Variants in NWD2 observed in about 807,000 individuals in gnomAD.
The protein encoded by NWD2 is NACHT and WD repeat domain-containing protein 2.
A neutral mutation model predicts 132.7 loss-of-function variants in NWD2; 37 were observed. That is an observed-to-expected ratio of 0.28 (90% CI 0.21 to 0.37). The LOEUF is 0.37. Ranked by LOEUF, NWD2 falls within the 10% of genes least tolerant of loss-of-function variation. NWD2 has a pLI of 1.00. For synonymous variants in NWD2, 705 were observed against 803.0 expected (o/e 0.88, Z 2.06); for missense variants, 1,592 against 2,122.4 (o/e 0.75, Z 4.91).
intron 2 of NWD2, among the ~76,000 whole-genome samples, chr4:37,353,394 TAC>T (rs1719808713): frequency 6.6e-6 from 1 of 152,182 alleles, no homozygotes. Context: ...TGGCCTGTCT[TAC>T]TAGGTTGGGG....
chr4:37,308,752 G>C lies in NWD2; in HGVS notation c.152-17184G>C, dbSNP rs1015071906. ...CCAGTCCTCAGGCCCCTGGTTGAGG[G>C]TACAGGCACTCAGTAGCCTTGACAC... is the stretch of plus-strand genomic sequence containing the variant. On this transcript the variant is annotated intron_variant, in intron 1 of 6. Coordinates refer to ENST00000309447, the MANE Select transcript of NWD2 (RefSeq NM_001144990.2). Among the ~76,000 whole-genome samples the C allele has an allele frequency of 7.2e-5, 11 of 152,204 alleles. No homozygotes were observed. In the South Asian group the frequency reaches 2.3e-3, roughly 32 times the overall value.
chr4:37,383,338 C>G (rs1048935648), intron 3 of NWD2, among the ~76,000 whole-genome samples: 1 of 152,162 alleles, frequency 6.6e-6, no homozygotes, highest in Non-Finnish European at 1.5e-5. Flanking sequence ...ATCATGTGGG[C>G]TTTCCTGTGG....
At chr4:37,254,670 C>A (rs1320995863) in intron 1 of NWD2, among the ~76,000 whole-genome samples, 1 of 152,026 alleles carries the variant, frequency 6.6e-6, no homozygotes, top group African/African-American at 2.4e-5. Context: ...ATTCATTCTG[C>A]ACATTAAAGT....
rs1388536281 is a variant in NWD2 at position 37,444,291 on chromosome 4, CA to C, written c.2304del (p.Gly770AlafsTer13). The C allele has an allele frequency of 6.4e-7, 1 of 1,551,642 alleles. No homozygotes were observed. Among genetic ancestry groups the C allele is most frequent in the East Asian group, 2.4e-5 (1 of 40,906 alleles). ...GCAGATTATTTTCTGGGGGTTTGGT[CA>C]GGGGGCAGGAGGAAAGCCTTCTGCC... ...ILADYFLGVW[S>X]GGRRKAFCLE... On this transcript the variant is annotated frameshift_variant, in exon 7 of 7. Transcript: ENST00000309447. LOFTEE classifies it high-confidence loss of function. The surrounding 1 kb of genome is among the most constrained non-coding windows in gnomAD (Gnocchi z 4.8).
chr4:37,304,413 C>T (rs1203453708), intron 1 of NWD2, among the ~76,000 whole-genome samples: 3 of 152,194 alleles, frequency 2.0e-5, no homozygotes, highest in Non-Finnish European at 4.4e-5. Context: ...AAAATACAAT[C>T]ATACTTTCTC....
rs566652016 is a variant in NWD2 at position 37,444,894 on chromosome 4, A to G, written c.2906A>G (p.His969Arg). Reference protein sequence around the residue: ...ERLPLSSSHLHVTEILPTCNP... With the variant: ...ERLPLSSSHLRVTEILPTCNP... ...CTTCCCTTATCATCCAGTCACCTGC[A>G]TGTCACAGAGATCCTGCCTACCTGT... Residue 969 changes from histidine (H) to arginine (R), a missense_variant, in exon 7 of 7, where the codon CAT (histidine) becomes CGT (arginine). By Grantham distance (29) the His-to-Arg change is conservative. Coordinates refer to ENST00000309447, the MANE Select transcript of NWD2 (RefSeq NM_001144990.2). The surrounding 1 kb of genome is among the most constrained non-coding windows in gnomAD (Gnocchi z 4.8). 114 of 1,552,306 alleles carry G rather than the reference A, an allele frequency of 7.3e-5. No individual in the cohort carries two copies. Among genetic ancestry groups the G allele is most frequent in the Non-Finnish European group, 9.7e-5 (111 of 1,147,142 alleles).
At chr4:37,353,499 G>T (rs1315107198) in intron 2 of NWD2, among the ~76,000 whole-genome samples, 2 of 152,046 alleles carry the variant, frequency 1.3e-5, no homozygotes, top group Admixed American at 1.3e-4. Context: ...CTTAGGTTTG[G>T]TCTTTTCACA....
At chr4:37,383,951 AT>A (rs1413730555) in intron 3 of NWD2, among the ~76,000 whole-genome samples, 5 of 151,680 alleles carry the variant, frequency 3.3e-5, no homozygotes, top group South Asian at 2.1e-4. Flanking sequence ...ACCCCTTTTT[AT>A]TTTTTTATTT....
At chr4:37,256,051 C>T (rs915532009) in intron 1 of NWD2, among the ~76,000 whole-genome samples, 3 of 152,108 alleles carry the variant, frequency 2.0e-5, no homozygotes, top group South Asian at 2.1e-4. Context: ...TCCTGGAAGT[C>T]GGGTAAGTCT....
At chr4:37,392,719 C>G (rs1560411231) in intron 3 of NWD2, among the ~76,000 whole-genome samples, 1 of 152,212 alleles carries the variant, frequency 6.6e-6, no homozygotes, top group Non-Finnish European at 1.5e-5. Flanking sequence ...GAGCTTGGCC[C>G]TTGCTAATTG....
At chr4:37,309,106 C>T (rs1199432614) in intron 1 of NWD2, among the ~76,000 whole-genome samples, 1 of 152,176 alleles carries the variant, frequency 6.6e-6, no homozygotes, top group Non-Finnish European at 1.5e-5. Flanking sequence ...AGTCCTGGGC[C>T]CCCATCCTGG....
At position 37,321,353 on chromosome 4, in the gene NWD2, C is replaced by T. The variant is rs755557302; in HGVS notation, c.152-4583C>T. Among the ~76,000 whole-genome samples, 11 of 152,136 alleles carry T rather than the reference C, an allele frequency of 7.2e-5. 1 individual carries two copies. Among genetic ancestry groups the T allele is most frequent in the Non-Finnish European group, 1.6e-4 (11 of 68,016 alleles). On this transcript the variant is annotated intron_variant, in intron 1 of 6. Coordinates refer to ENST00000309447, the MANE Select transcript of NWD2 (RefSeq NM_001144990.2). ...ATGGTATTGATTATTAATTCTCCCC[C>T]AACTAATGTACTTCCTGTAGGTGAC...
At chr4:37,292,010 A>G (rs1718371228) in intron 1 of NWD2, among the ~76,000 whole-genome samples, 1 of 152,154 alleles carries the variant, frequency 6.6e-6, no homozygotes, top group South Asian at 2.1e-4. Context: ...GAGAGGGTTA[A>G]TTATCTGAAC....
At chr4:37,370,393 T>C (rs1720193530) in intron 3 of NWD2, among the ~76,000 whole-genome samples, 1 of 152,234 alleles carries the variant, frequency 6.6e-6, no homozygotes, top group Non-Finnish European at 1.5e-5. Context: ...TATATATAAC[T>C]TAAAATTTAT....
intron 1 of NWD2, among the ~76,000 whole-genome samples, chr4:37,274,930 C>T (rs551982931): frequency 6.6e-6 from 1 of 152,200 alleles, no homozygotes; most frequent in South Asian, 2.1e-4. Flanking sequence ...GGACATATCT[C>T]AAAATAATAA....
chr4:37,311,037 T>G (rs1718830738), intron 1 of NWD2, among the ~76,000 whole-genome samples: 1 of 152,140 alleles, frequency 6.6e-6, no homozygotes, highest in African/African-American at 2.4e-5. Context: ...CTATCGTTGT[T>G]GGACATTTGG....
At chr4:37,313,954 C>T (rs1005790161) in intron 1 of NWD2, among the ~76,000 whole-genome samples, 1 of 148,840 alleles carries the variant, frequency 6.7e-6, no homozygotes, top group Non-Finnish European at 1.5e-5. Flanking sequence ...CGTCGGCCTC[C>T]CAAAGTACTG....
chr4:37,405,906 A>T (rs1720994064), intron 3 of NWD2, among the ~76,000 whole-genome samples: 1 of 152,236 alleles, frequency 6.6e-6, no homozygotes, highest in Non-Finnish European at 1.5e-5. Flanking sequence ...AATTTGGCTT[A>T]GCATAGCCAC....
intron 3 of NWD2, among the ~76,000 whole-genome samples, chr4:37,394,815 T>TTG (rs1386288269): frequency 1.7e-4 from 21 of 126,706 alleles, no homozygotes; most frequent in South Asian, 2.9e-4. Context: ...TTTTTTTTTT[T>TTG]TTTTTTTTTT....
Sources: gnomAD v4.1 joint callset for allele counts (sites outside exome capture counted in the v4.1 genomes callset) on GRCh38, gnomAD v4.1.1 for gene constraint, Gnocchi (gnomAD v3.1) non-coding constraint, MANE v1.5 for transcripts, NCBI Gene and HGNC (gene_info 2026-07-23, HGNC 2026-07-21) for gene names.